Variants in RBM23 observed in about 807,000 individuals in gnomAD.
RBM23 encodes RNA binding motif protein 23.
A neutral mutation model predicts 56.2 loss-of-function variants in RBM23; 53 were observed. The observed-to-expected ratio is 0.94, with a 90% CI of 0.76 to 1.19. The LOEUF (loss-of-function observed/expected upper bound fraction) is 1.19, where lower values mean the gene tolerates loss of function less well. Ranked by LOEUF, RBM23 falls within the 50% of genes most tolerant of loss-of-function variation. The pLI is 0.00. For missense variants in RBM23, 642 were observed against 590.3 expected, an observed-to-expected ratio of 1.09 and a Z score of -0.91; for synonymous variants, 197 against 198.5, an observed-to-expected ratio of 0.99 and a Z score of 0.06.
At chr14:22,908,207 G>A in intron 4 of RBM23, 126 bp downstream of exon 4, 1 of 1,016,738 alleles carries the variant, frequency 9.8e-7, no homozygotes, top group South Asian at 1.6e-5. Flanking sequence ...TTTTTGTAGA[G>A]ACAGGATTTT....
At chr14:22,903,836 C>T (rs2041042443) in intron 10 of RBM23, 3 of 1,111,628 alleles carry the variant, frequency 2.7e-6, no homozygotes, top group Non-Finnish European at 3.3e-6. Flanking sequence ...CTTCTCGGTG[C>T]AGAAATTGCT....
rs537601642 is a variant in RBM23, at chr14:22,902,575, C to T, written c.931-193G>A. 269 of 1,302,002 alleles carry T rather than the reference C, an allele frequency of 2.1e-4. 5 individuals are homozygous for T. In the South Asian group the frequency reaches 6.8e-3, roughly 33 times the overall value. 80.7% of individuals were successfully genotyped at this position (1,302,002 alleles called of 1,614,324 possible). On this transcript the variant is annotated intron_variant, in intron 10 of 13. Transcript: ENST00000359890. ...TCTGAAAAGGACCTTTTCCAATGGACTCAATGGCAGTCACTTTTCAATCTT... is the reference window on the plus strand; with the variant it reads ...TCTGAAAAGGACCTTTTCCAATGGATTCAATGGCAGTCACTTTTCAATCTT...
At chr14:22,913,587 CTCG>C (rs2042965543) in intron 1 of RBM23, 1 of 151,722 alleles carries the variant, frequency 6.6e-6, no homozygotes, top group Non-Finnish European at 1.5e-5. Flanking sequence ...ATGGTGAAAT[CTCG>C]TCTTTATTAA....
chr14:22,905,939 A>C (rs2041464758), intron 5 of RBM23: 1 of 594,540 alleles, frequency 1.7e-6, no homozygotes, highest in Admixed American at 3.1e-5. Context: ...TTGTAGAACC[A>C]GGGTTTCGCC....
intron 2 of RBM23, among the ~76,000 whole-genome samples, chr14:22,910,246 G>C (rs1295686324): frequency 6.9e-6 from 1 of 144,956 alleles, no homozygotes; most frequent in Non-Finnish European, 1.5e-5. Context: ...CGGGTCACCT[G>C]AGGTCAGGAG....
chr14:22,911,450 T>A, intron 1 of RBM23, 47 bp from the exon 2 acceptor site: 1 of 1,493,748 alleles, frequency 6.7e-7, no homozygotes, highest in Non-Finnish European at 9.3e-7. Context: ...ATATTTTTCC[T>A]CCCTTTCCAG....
Position 22,899,991 on chromosome 14 carries a change from G to A in RBM23, c.*1739C>T, listed in dbSNP as rs189148723. The A allele has an allele frequency of 6.6e-6, 1 of 152,122 alleles. No homozygotes were observed. The highest frequency in any genetic ancestry group is 1.9e-4 in the East Asian group (1 of 5,194). 9.4% of individuals were successfully genotyped at this position (152,122 alleles called of 1,614,324 possible). The stretch of plus-strand genomic sequence containing the variant: ...CCTTCTCATTTGGTCCCTAAGCTGG[G>A]TGAGACAGCCTCTCTCCCACCCCCT... On this transcript the variant is annotated 3_prime_UTR_variant, in exon 14 of 14. Coordinates refer to ENST00000359890, the MANE Select transcript of RBM23 (RefSeq NM_001077351.2).
chr14:22,906,815 G>A (rs767993225), intron 4 of RBM23, among the ~76,000 whole-genome samples: 7 of 152,152 alleles, frequency 4.6e-5, no homozygotes, highest in Non-Finnish European at 8.8e-5. Context: ...AAGGCGGGCA[G>A]ATCACCTGAG....
intron 1 of RBM23, among the ~76,000 whole-genome samples, chr14:22,913,541 C>T (rs2042958228): frequency 6.6e-6 from 1 of 151,876 alleles, no homozygotes; most frequent in African/African-American, 2.4e-5. Flanking sequence ...ACAGGTGGAT[C>T]ACCTGAGGTC....
chr14:22,902,756 C>CCTTT lies in RBM23; in HGVS notation c.931-375_931-374insAAAG, dbSNP rs1555336814. The CCTTT allele has an allele frequency of 1.9e-3, 890 of 460,544 alleles. 309 individuals carry two copies. Among genetic ancestry groups the CCTTT allele is most frequent in the Admixed American group, 6.9e-3 (31 of 4,506 alleles). The allele number at this position is 460,544 out of a possible 1,614,324, so 28.5% of individuals were successfully genotyped here. ...GTTCTCTATCCTAGTAAGTTTTAGT[C>CCTTT]TTTTTTTTTTTTTTTTTTTTTTTTT... On this transcript the variant is annotated intron_variant, in intron 10 of 13. Transcript: ENST00000359890.
intron 1 of RBM23, among the ~76,000 whole-genome samples, chr14:22,914,637 C>A (rs968015630): frequency 4.6e-5 from 7 of 151,810 alleles, no homozygotes; most frequent in African/African-American, 1.7e-4. Flanking sequence ...AAAAAAAAAC[C>A]TGAGGAATTT....
intron 4 of RBM23, 55 bp downstream of exon 4, chr14:22,908,278 C>T: frequency 6.5e-7 from 1 of 1,537,906 alleles, no homozygotes. Flanking sequence ...GCCTTGGCTT[C>T]CAAAGTGCTA....
At chr14:22,910,675 C>T (rs2042358059) in intron 2 of RBM23, among the ~76,000 whole-genome samples, 1 of 151,774 alleles carries the variant, frequency 6.6e-6, no homozygotes, top group Admixed American at 6.6e-5. Context: ...TCGAGACCAG[C>T]CCAGGCAACA....
intron 1 of RBM23, among the ~76,000 whole-genome samples, chr14:22,915,723 T>C (rs1334548469): frequency 6.6e-6 from 1 of 152,010 alleles, no homozygotes; most frequent in Non-Finnish European, 1.5e-5. Context: ...CTCAAACTCC[T>C]GACCTCAGGT....
intron 10 of RBM23, chr14:22,903,977 C>T: frequency 2.9e-6 from 4 of 1,356,856 alleles, no homozygotes; most frequent in Non-Finnish European, 3.8e-6. Flanking sequence ...CTTTTAGCTG[C>T]AGCCTGGTTA....
intron 1 of RBM23, chr14:22,912,031 G>A (rs965962162): frequency 6.6e-6 from 1 of 152,212 alleles, no homozygotes; most frequent in Non-Finnish European, 1.5e-5. Context: ...GTTCTATGAA[G>A]AGAAAATGAT....
Position 22,901,557 on chromosome 14 carries a change from C to G in RBM23, c.*173G>C. The G allele has an allele frequency of 1.1e-6, 1 of 924,966 alleles. No individual in the cohort carries two copies. The highest frequency in any genetic ancestry group is 1.6e-6 in the Non-Finnish European group (1 of 606,102). 57.3% of individuals were successfully genotyped at this position (924,966 alleles called of 1,614,324 possible). ...TCAGCAGAGTCCATTTCCAGTGGGA[C>G]CATGGGCAGGAGCTTTTCTTGGTAT... On this transcript the variant is annotated 3_prime_UTR_variant, in exon 14 of 14. Coordinates refer to ENST00000359890, the MANE Select transcript of RBM23 (RefSeq NM_001077351.2).
rs994099879 is a variant in RBM23 at position 22,894,551 on chromosome 14, CT to C, written c.*7178del. 1.3e-5 allele frequency: 2 copies of C among 151,628 alleles called. No homozygotes were observed. Among genetic ancestry groups the C allele is most frequent in the African/African-American group, 4.9e-5 (2 of 41,200 alleles). 9.4% of individuals were successfully genotyped at this position (151,628 alleles called of 1,614,324 possible). The stretch of plus-strand genomic sequence containing the variant: ...CCAACATGGTGAAACCCTATTTCTA[CT>C]AAAAAAAATTACAAAAATTAGCCAG... On this transcript the variant is annotated 3_prime_UTR_variant, in exon 14 of 14. Transcript: ENST00000359890.
In RBM23 at chr14:22,902,119, TGG is replaced by T. The variant is rs1366422990; in HGVS notation, c.1127-22_1127-21del. ...CAGCGCCTAAAAGGAAAAGAAAAGG[TGG>T]GATTAAGCCCCAACCCTTCATCTAA... On this transcript the variant is annotated intron_variant, in intron 11 of 13. Transcript: ENST00000359890. The T allele has an allele frequency of 3.1e-6, 5 of 1,604,764 alleles. No individual in the cohort carries two copies.
Sources: gnomAD v4.1 joint callset for allele counts (sites outside exome capture counted in the v4.1 genomes callset) on GRCh38, gnomAD v4.1.1 for gene constraint, MANE v1.5 for transcripts, NCBI Gene and HGNC (gene_info 2026-07-23, HGNC 2026-07-21) for gene names.